The following SMAD6 variants were observed in gnomAD, a reference collection of about 807,000 sequenced individuals.
The protein encoded by SMAD6 is MAD homolog 6.
A neutral mutation model predicts 39.4 loss-of-function variants in SMAD6; 103 were observed. The observed-to-expected ratio is 2.62, with a 90% CI of 2.23 to 3.08. The LOEUF is 3.08. Among genes scored for constraint, SMAD6 ranks in the 30% most tolerant of loss-of-function variants. SMAD6 has a pLI of 0.00. For missense variants in SMAD6, 1,104 were observed against 742.9 expected (o/e 1.49, Z -5.65); for synonymous variants, 445 against 353.3 (o/e 1.26, Z -2.91).
chr15:66,764,029 A>G (rs1894249261), intron 3 of SMAD6, among the ~76,000 whole-genome samples: 1 of 152,362 alleles, frequency 6.6e-6, no homozygotes, highest in East Asian at 1.9e-4. Context: ...AAGAACGCTG[A>G]CAGCTCAGGG....
Position 66,711,671 on chromosome 15 carries a change from C to T in SMAD6, c.821C>T (p.Ser274Phe). Residue 274 changes from serine (S) to phenylalanine (F), a missense_variant, in exon 2 of 4, where the codon TCT (serine) becomes TTT (phenylalanine). Ser to Phe is a radical substitution (Grantham distance 155). Coordinates refer to ENST00000288840, the MANE Select transcript of SMAD6 (RefSeq NM_005585.5). ...YHFSRLCGPE[S>F]PPPPYSRLSP... ...CATGCTGTCTCCTGTCTTCCAGAATCTCCGCCACCTCCCTACTCTCGGCTG... is the reference window on the plus strand; with the variant it reads ...CATGCTGTCTCCTGTCTTCCAGAATTTCCGCCACCTCCCTACTCTCGGCTG... 6.2e-7 allele frequency: 1 copy of T among 1,613,812 alleles called. No individual in the cohort carries two copies. Among genetic ancestry groups the T allele is most frequent in the Non-Finnish European group, 8.5e-7 (1 of 1,179,696 alleles).
At chr15:66,773,753 A>G (rs1894418343) in intron 3 of SMAD6, among the ~76,000 whole-genome samples, 1 of 152,202 alleles carries the variant, frequency 6.6e-6, no homozygotes, top group Admixed American at 6.5e-5. Flanking sequence ...TGGAAAAGCC[A>G]GCCCTGGGCC....
At chr15:66,763,700 G>A (rs893336316) in intron 3 of SMAD6, among the ~76,000 whole-genome samples, 2 of 152,170 alleles carry the variant, frequency 1.3e-5, no homozygotes, top group Admixed American at 6.5e-5. Context: ...AGAGAACCTG[G>A]GGCCCAGCTA....
intron 3 of SMAD6, among the ~76,000 whole-genome samples, chr15:66,775,111 C>A (rs1287303541): frequency 1.3e-5 from 2 of 152,110 alleles, no homozygotes; most frequent in African/African-American, 4.8e-5. Flanking sequence ...ATCCACCCAC[C>A]TCAGCCTCCC....
chr15:66,775,799 G>A lies in SMAD6; in HGVS notation c.953-5198G>A, dbSNP rs150532644. Among the ~76,000 whole-genome samples the A allele has an allele frequency of 3.7e-3, 562 of 152,330 alleles. 2 individuals carry two copies. The highest frequency in any genetic ancestry group is 0.013 in the African/African-American group (527 of 41,578). ...CTGGTTCCTAATTAGGCTGATGGCC[G>A]TGGGAGATGGCAGTACCACAGCCTA... On this transcript the variant is annotated intron_variant, in intron 3 of 3. Coordinates refer to ENST00000288840, the MANE Select transcript of SMAD6 (RefSeq NM_005585.5).
At chr15:66,732,470 C>T in intron 3 of SMAD6, among the ~76,000 whole-genome samples, 1 of 152,162 alleles carries the variant, frequency 6.6e-6, no homozygotes, top group Non-Finnish European at 1.5e-5. Context: ...CATGTCTCAG[C>T]CTCCCAAGTA....
chr15:66,719,828 T>G (rs751653543), intron 3 of SMAD6, among the ~76,000 whole-genome samples: 38 of 152,012 alleles, frequency 2.5e-4, no homozygotes, highest in Non-Finnish European at 4.9e-4. Flanking sequence ...CTTCATTTGA[T>G]CTCTACATCA....
At chr15:66,745,297 T>A (rs1332000770) in intron 3 of SMAD6, among the ~76,000 whole-genome samples, 1 of 152,106 alleles carries the variant, frequency 6.6e-6, no homozygotes, top group Non-Finnish European at 1.5e-5. Context: ...CTGAGCCCCC[T>A]ACCCGCACTC....
rs77665484 is a variant in SMAD6, at chr15:66,778,528, T to C, written c.953-2469T>C. On this transcript the variant is annotated intron_variant, in intron 3 of 3. Coordinates refer to ENST00000288840, the MANE Select transcript of SMAD6 (RefSeq NM_005585.5). ...AGAGGTGCAGCAGTGACCCCTCCCT[T>C]AGTGAGACAGTAAAGTGAGTCCTCC... Among the ~76,000 whole-genome samples, 1,635 of 152,256 alleles carry C rather than the reference T, an allele frequency of 0.011. 97 individuals are homozygous for C. In the East Asian group the frequency reaches 0.17, roughly 16 times the overall value.
chr15:66,712,626 A>G (rs1595763704), intron 2 of SMAD6, among the ~76,000 whole-genome samples: 1 of 148,628 alleles, frequency 6.7e-6, no homozygotes, highest in East Asian at 2.0e-4. Context: ...GGGAGGTTGC[A>G]GTGAGCTGAG....
At chr15:66,725,522 G>A (rs1454645802) in intron 3 of SMAD6, among the ~76,000 whole-genome samples, 2 of 152,224 alleles carry the variant, frequency 1.3e-5, no homozygotes, top group African/African-American at 4.8e-5. Flanking sequence ...AAGGAGAGAT[G>A]GGAGCTCACA....
At chr15:66,709,885 C>T (rs959961342) in intron 1 of SMAD6, among the ~76,000 whole-genome samples, 20 of 152,230 alleles carry the variant, frequency 1.3e-4, no homozygotes, top group Non-Finnish European at 4.4e-5. Flanking sequence ...AGGCTGGCCT[C>T]TAGGCCTGAG....
chr15:66,731,294 C>T (rs1005606559), intron 3 of SMAD6, among the ~76,000 whole-genome samples: 18 of 151,616 alleles, frequency 1.2e-4, no homozygotes, highest in Admixed American at 2.6e-4. Flanking sequence ...AAAAATTAGC[C>T]GGGCGTAGTG....
chr15:66,708,808 CT>C, intron 1 of SMAD6: 1 of 454,122 alleles, frequency 2.2e-6, no homozygotes, highest in South Asian at 1.6e-5. Context: ...GATGGTGTTT[CT>C]TTTTGCGATA....
chr15:66,703,156 T>G lies in SMAD6; in HGVS notation c.-103T>G. The stretch of plus-strand genomic sequence containing the variant: ...CTGCACGGCGCTCCGCGGCGGAGCT[T>G]CATGTGGGGCTGCGACCCGCGCAGC... On this transcript the variant is annotated 5_prime_UTR_variant, in exon 1 of 4. Coordinates refer to ENST00000288840, the MANE Select transcript of SMAD6 (RefSeq NM_005585.5). 1.2e-6 allele frequency: 1 copy of G among 837,538 alleles called. No individual in the cohort carries two copies. The allele number at this position is 837,538 out of a possible 1,614,324, so 51.9% of individuals were successfully genotyped here. A position where few individuals can be genotyped will look rare whatever the true frequency, so the allele number is the denominator to read the frequency against.
intron 3 of SMAD6, among the ~76,000 whole-genome samples, chr15:66,723,959 T>C (rs988392824): frequency 6.6e-6 from 1 of 152,056 alleles, no homozygotes; most frequent in African/African-American, 2.4e-5. Flanking sequence ...TGATTCTGAG[T>C]TGGGTTTTGT....
chr15:66,703,462 C>A lies in SMAD6; in HGVS notation c.204C>A (p.Pro68=). ...SEVRPVAPRR[P]RDAVGQRGAQ... ...TCCGCCCGGTAGCCCCGCGGCGGCC[C>A]CGGGACGCAGTGGGACAGCGAGGCG... Residue 68 remains proline, a synonymous_variant, in exon 1 of 4, where the codon CCC becomes CCA. Coordinates refer to ENST00000288840, the MANE Select transcript of SMAD6 (RefSeq NM_005585.5). 7.9e-7 allele frequency: 1 copy of A among 1,266,226 alleles called. No homozygotes were observed. Among genetic ancestry groups the A allele is most frequent in the African/African-American group, 1.6e-5 (1 of 64,142 alleles). The allele number at this position is 1,266,226 out of a possible 1,614,324, so 78.4% of individuals were successfully genotyped here.
At chr15:66,716,915 T>G in intron 3 of SMAD6, 7 of 1,147,130 alleles carry the variant, frequency 6.1e-6, no homozygotes, top group Non-Finnish European at 8.1e-6. Context: ...GGTCAGAAGA[T>G]TGGGGGAATT....
chr15:66,778,401 C>T (rs943158685), intron 3 of SMAD6, among the ~76,000 whole-genome samples: 1 of 152,186 alleles, frequency 6.6e-6, no homozygotes, highest in Non-Finnish European at 1.5e-5. Context: ...TCCCCTGCCC[C>T]CTGTGCCCCT....
Sources: allele counts gnomAD v4.1 joint callset (sites outside exome capture counted in the v4.1 genomes callset), GRCh38; gene constraint gnomAD v4.1.1; transcripts MANE v1.5; gene names NCBI Gene and HGNC (gene_info 2026-07-23, HGNC 2026-07-21).